Variants in MARCHF1 observed in about 807,000 individuals in gnomAD.
MARCHF1 encodes membrane associated ring-CH-type finger 1.
A neutral mutation model predicts 54.2 loss-of-function variants in MARCHF1; 40 were observed. That is an observed-to-expected ratio of 0.74 (90% CI 0.57 to 0.96). The LOEUF (loss-of-function observed/expected upper bound fraction) is 0.96, where lower values mean the gene tolerates loss of function less well. Among genes scored for constraint, MARCHF1 ranks in the 40% least tolerant of loss-of-function variants. The probability of loss-of-function intolerance (pLI) is 0.00; values close to 1 mark genes in which losing one functional copy is unlikely to be tolerated. For missense variants in MARCHF1, 586 were observed against 656.5 expected (o/e 0.89, Z 1.17); for synonymous variants, 236 against 236.3 (o/e 1.00, Z 0.01).
At chr4:164,313,475 C>T (rs1159770544) in intron 1 of MARCHF1, among the ~76,000 whole-genome samples, 1 of 152,030 alleles carries the variant, frequency 6.6e-6, no homozygotes, top group Non-Finnish European at 1.5e-5. Flanking sequence ...GGGCCAAAGC[C>T]TAGATCCTCT....
chr4:164,076,399 T>C (rs1225573369), intron 2 of MARCHF1, among the ~76,000 whole-genome samples: 1 of 152,118 alleles, frequency 6.6e-6, no homozygotes, highest in Non-Finnish European at 1.5e-5. Flanking sequence ...CTCAAAATAA[T>C]AAGAGCTATT....
At position 164,374,403 on chromosome 4, in the gene MARCHF1, T is replaced by A. The variant is rs1731126223; in HGVS notation, c.-323+9467A>T. ...CTAACGATAGTCCTATGACAACTAT[T>A]AACAGTTGAAAATACTTCCTATTTG... On this transcript the variant is annotated intron_variant, in intron 1 of 9. Transcript: ENST00000514618. 1.3e-5 allele frequency among the ~76,000 whole-genome samples: 2 copies of A among 152,142 alleles called. 1 individual carries two copies. The highest frequency in any genetic ancestry group is 6.4e-3 in the Middle Eastern group (2 of 314).
At chr4:164,202,809 A>G (rs1731490941) in intron 1 of MARCHF1, among the ~76,000 whole-genome samples, 1 of 152,220 alleles carries the variant, frequency 6.6e-6, no homozygotes, top group African/African-American at 2.4e-5. Context: ...CCTTCAAGAT[A>G]CTGGGAACAT....
At chr4:164,278,340 A>T (rs1049069742) in intron 1 of MARCHF1, among the ~76,000 whole-genome samples, 5 of 152,172 alleles carry the variant, frequency 3.3e-5, no homozygotes, top group Non-Finnish European at 5.9e-5. Flanking sequence ...TAAGCAAAAT[A>T]AGACATGTGA....
chr4:163,826,689 T>C (rs1032714167), intron 4 of MARCHF1, among the ~76,000 whole-genome samples: 15 of 151,992 alleles, frequency 9.9e-5, no homozygotes, highest in African/African-American at 3.4e-4. Flanking sequence ...TTATAAAATA[T>C]GATGAATGCT....
At chr4:164,231,696 C>A (rs1206413096) in intron 1 of MARCHF1, among the ~76,000 whole-genome samples, 2 of 152,076 alleles carry the variant, frequency 1.3e-5, no homozygotes, top group African/African-American at 4.8e-5. Context: ...ATCTTTTGCT[C>A]TAGTCTTTCA....
At chr4:163,777,028 T>C (rs1487193317) in intron 4 of MARCHF1, among the ~76,000 whole-genome samples, 1 of 152,156 alleles carries the variant, frequency 6.6e-6, no homozygotes, top group Non-Finnish European at 1.5e-5. Flanking sequence ...TAATTTGTAA[T>C]TCATATTTAA....
At chr4:164,379,930 G>C (rs1731319685) in intron 1 of MARCHF1, among the ~76,000 whole-genome samples, 1 of 151,612 alleles carries the variant, frequency 6.6e-6, no homozygotes, top group Admixed American at 6.6e-5. Context: ...CTGGGTGACA[G>C]AGTGAGGCTC....
chr4:164,052,070 T>C (rs978046832), intron 2 of MARCHF1, among the ~76,000 whole-genome samples: 2 of 151,554 alleles, frequency 1.3e-5, no homozygotes, highest in East Asian at 1.9e-4. Flanking sequence ...ATCTTATTTC[T>C]ACTATTAAAA....
chr4:163,533,550 G>A (rs1280130643), intron 9 of MARCHF1, among the ~76,000 whole-genome samples: 4 of 151,766 alleles, frequency 2.6e-5, no homozygotes, highest in South Asian at 4.1e-4. Context: ...AATGTACCAC[G>A]TTGAGGCAAG....
At chr4:163,823,408 T>C (rs1030870665) in intron 4 of MARCHF1, among the ~76,000 whole-genome samples, 2 of 151,860 alleles carry the variant, frequency 1.3e-5, no homozygotes, top group African/African-American at 4.8e-5. Context: ...TCAAACCTAA[T>C]AAACTGTGAT....
chr4:163,620,604 CACAGAGAGAGAGAG>C (rs376382845), intron 5 of MARCHF1, among the ~76,000 whole-genome samples: 3,519 of 49,542 alleles, frequency 0.071, 112 homozygotes, highest in Admixed American at 0.23. Context: ...CACACACACA[CACAGAGAGAGAGAG>C]AGAGAGAGAG....
chr4:164,367,078 G>A (rs1467034960), intron 1 of MARCHF1, among the ~76,000 whole-genome samples: 1 of 151,984 alleles, frequency 6.6e-6, no homozygotes, highest in Non-Finnish European at 1.5e-5. Context: ...TGTTCAGAGG[G>A]CCCAAGCACC....
At chr4:163,762,378 G>C (rs980718984) in intron 4 of MARCHF1, among the ~76,000 whole-genome samples, 4 of 151,984 alleles carry the variant, frequency 2.6e-5, no homozygotes, top group African/African-American at 9.7e-5. Flanking sequence ...TGTCTATACA[G>C]AAACAAGAGA....
intron 4 of MARCHF1, among the ~76,000 whole-genome samples, chr4:163,721,241 G>T (rs192807614): frequency 6.6e-6 from 1 of 152,132 alleles, no homozygotes. Flanking sequence ...AGCATGAAGG[G>T]TTGTTGAATT....
At chr4:163,618,110 T>C (rs892120921) in intron 5 of MARCHF1, among the ~76,000 whole-genome samples, 11 of 152,198 alleles carry the variant, frequency 7.2e-5, no homozygotes, top group Non-Finnish European at 1.6e-4. Flanking sequence ...AAACATTCCT[T>C]GTTGCCGAAG....
chr4:164,047,838 G>A (rs1754274719), intron 2 of MARCHF1, among the ~76,000 whole-genome samples: 1 of 151,932 alleles, frequency 6.6e-6, no homozygotes, highest in African/African-American at 2.4e-5. Flanking sequence ...ATTTTTTGTG[G>A]GCAAATAATT....
intron 1 of MARCHF1, among the ~76,000 whole-genome samples, chr4:164,230,436 G>A (rs942070948): frequency 1.5e-4 from 23 of 151,612 alleles, no homozygotes; most frequent in African/African-American, 5.6e-4. Flanking sequence ...ATATATTTGA[G>A]GGGAACATGT....
chr4:164,133,335 G>A (rs752645065), intron 1 of MARCHF1, among the ~76,000 whole-genome samples: 5 of 152,104 alleles, frequency 3.3e-5, no homozygotes, highest in South Asian at 2.1e-4. Context: ...TTATTACTGC[G>A]CAATGAATCC....
Sources: allele counts gnomAD v4.1 joint callset (sites outside exome capture counted in the v4.1 genomes callset), GRCh38; gene constraint gnomAD v4.1.1; transcripts MANE v1.5; gene names NCBI Gene and HGNC (gene_info 2026-07-23, HGNC 2026-07-21).